The following GULP1 variants were observed in gnomAD, a reference collection of about 807,000 sequenced individuals.
The protein encoded by GULP1 is GULP PTB domain containing engulfment adaptor 1, also known as PTB domain-containing engulfment adapter protein 1.
GULP1 carries 19 observed loss-of-function variants against 40.9 expected under a neutral mutation model. The observed-to-expected ratio is 0.46, with a 90% CI of 0.32 to 0.68. GULP1 has a LOEUF of 0.68. Among genes scored for constraint, GULP1 ranks in the 30% least tolerant of loss-of-function variants. GULP1 has a pLI of 0.03. For synonymous variants in GULP1, 119 were observed against 117.6 expected, an observed-to-expected ratio of 1.01 and a Z score of -0.08; for missense variants, 312 against 362.2, an observed-to-expected ratio of 0.86 and a Z score of 1.12.
chr2:188,512,537 AT>A (rs2064696114), intron 4 of GULP1, among the ~76,000 whole-genome samples: 1 of 152,034 alleles, frequency 6.6e-6, no homozygotes, highest in African/African-American at 2.4e-5. Context: ...CTCTTTAGCT[AT>A]TTAATTGTTA....
intron 1 of GULP1, among the ~76,000 whole-genome samples, chr2:188,375,856 G>T (rs867365776): frequency 2.0e-5 from 3 of 151,806 alleles, no homozygotes; most frequent in Non-Finnish European, 4.4e-5. Flanking sequence ...ATATTCGCAG[G>T]GTTTTACAGA....
chr2:188,522,123 G>A (rs1042244064), intron 4 of GULP1, among the ~76,000 whole-genome samples: 4 of 152,066 alleles, frequency 2.6e-5, no homozygotes, highest in Non-Finnish European at 5.9e-5. Context: ...TACAATTGTA[G>A]ATCATGTATG....
At chr2:188,408,963 A>G (rs56072532) in intron 2 of GULP1, among the ~76,000 whole-genome samples, 27,619 of 152,162 alleles carry the variant, frequency 0.18, 2,579 homozygotes, top group East Asian at 0.24. Flanking sequence ...GAAGCACAAT[A>G]TACCAAAACT....
chr2:188,418,428 T>A (rs2054881905), intron 2 of GULP1, among the ~76,000 whole-genome samples: 2 of 152,102 alleles, frequency 1.3e-5, no homozygotes, highest in Admixed American at 1.3e-4. Flanking sequence ...GGTCAGGAGT[T>A]CGAGACCAGC....
intron 2 of GULP1, among the ~76,000 whole-genome samples, chr2:188,404,276 GAAC>G (rs2052734546): frequency 6.6e-6 from 1 of 152,132 alleles, no homozygotes; most frequent in Non-Finnish European, 1.5e-5. Flanking sequence ...ATAACAATTT[GAAC>G]AACTATCCAT....
intron 1 of GULP1, among the ~76,000 whole-genome samples, chr2:188,314,658 A>G (rs1211070154): frequency 2.0e-5 from 3 of 152,022 alleles, no homozygotes; most frequent in Admixed American, 6.6e-5. Context: ...GCCCCACTAC[A>G]CTTTCTTTAT....
chr2:188,385,817 C>G (rs2049650948), intron 2 of GULP1, among the ~76,000 whole-genome samples: 1 of 152,150 alleles, frequency 6.6e-6, no homozygotes, highest in Non-Finnish European at 1.5e-5. Context: ...CACCTTGGCT[C>G]CAGTTCCCAA....
chr2:188,474,955 A>G (rs893940943), intron 2 of GULP1, among the ~76,000 whole-genome samples: 3 of 152,174 alleles, frequency 2.0e-5, no homozygotes, highest in Non-Finnish European at 4.4e-5. Context: ...ATAGAATTGT[A>G]TTTCTTAACT....
At chr2:188,419,941 C>A (rs533937923) in intron 2 of GULP1, among the ~76,000 whole-genome samples, 1 of 152,070 alleles carries the variant, frequency 6.6e-6, no homozygotes, top group Non-Finnish European at 1.5e-5. Context: ...TTCTCAACAC[C>A]ATTTGTTGAA....
intron 1 of GULP1, among the ~76,000 whole-genome samples, chr2:188,333,112 G>A (rs955068230): frequency 6.6e-6 from 1 of 151,992 alleles, no homozygotes; most frequent in African/African-American, 2.4e-5. Context: ...GGGCATGGTG[G>A]TGTGTGCCTG....
At chr2:188,429,715 T>G (rs1314810498) in intron 2 of GULP1, among the ~76,000 whole-genome samples, 1 of 149,254 alleles carries the variant, frequency 6.7e-6, no homozygotes, top group Non-Finnish European at 1.5e-5. Flanking sequence ...TTTTTGTTGT[T>G]TTTTTTTTTA....
At chr2:188,349,753 G>A (rs1485830834) in intron 1 of GULP1, among the ~76,000 whole-genome samples, 1 of 151,908 alleles carries the variant, frequency 6.6e-6, no homozygotes, top group Non-Finnish European at 1.5e-5. Flanking sequence ...TTGTTTTTCT[G>A]TTTGATTTCA....
At position 188,568,680 on chromosome 2, in the gene GULP1, C is replaced by T. The variant is rs1698358047; in HGVS notation, c.400-559C>T. Reference sequence around the variant, plus strand: ...CTGACAGTTTCAGATTGGAATTGCTCACTTCCACCAGGCAACAATTAACTG... The same window carrying T: ...CTGACAGTTTCAGATTGGAATTGCTTACTTCCACCAGGCAACAATTAACTG... On this transcript the variant is annotated intron_variant, in intron 7 of 11. Transcript: ENST00000409830. 2.0e-5 allele frequency among the ~76,000 whole-genome samples: 3 copies of T among 152,308 alleles called. No homozygotes were observed. The South Asian group carries it at 6.2e-4, about 32-fold the overall frequency.
rs746146544 is a variant in GULP1 at position 188,541,334 on chromosome 2, G to A, written c.399+16G>A. ...CGAAAAGTGTGTAAGTATCCCAGAT[G>A]TTGTAGGGTGGTTTGTTCTGTTTTA... On this transcript the variant is annotated intron_variant, in intron 7 of 11. Transcript: ENST00000409830. 5 of 1,609,436 alleles carry A rather than the reference G, an allele frequency of 3.1e-6. No individual in the cohort carries two copies. The Admixed American group carries it at 5.0e-5, about 16-fold the overall frequency.
chr2:188,467,398 TTCTC>T (rs1437058998), intron 2 of GULP1, among the ~76,000 whole-genome samples: 1 of 152,200 alleles, frequency 6.6e-6, no homozygotes, highest in African/African-American at 2.4e-5. Context: ...TCTCTGAACT[TTCTC>T]TCCATAATTT....
chr2:188,374,533 A>G (rs2048042657), intron 1 of GULP1, among the ~76,000 whole-genome samples: 2 of 152,158 alleles, frequency 1.3e-5, no homozygotes, highest in South Asian at 4.1e-4. Flanking sequence ...TGAGGTCAAA[A>G]TAGCCACCAG....
At chr2:188,409,431 C>A (rs1406435239) in intron 2 of GULP1, among the ~76,000 whole-genome samples, 1 of 151,992 alleles carries the variant, frequency 6.6e-6, no homozygotes, top group Non-Finnish European at 1.5e-5. Context: ...CTGAACAGAC[C>A]AATAATGAAT....
chr2:188,454,171 A>T (rs1005124550), intron 2 of GULP1, among the ~76,000 whole-genome samples: 1 of 152,132 alleles, frequency 6.6e-6, no homozygotes, highest in Non-Finnish European at 1.5e-5. Flanking sequence ...AAGACTAAGG[A>T]TATGCTGACA....
intron 1 of GULP1, among the ~76,000 whole-genome samples, chr2:188,326,053 G>A (rs1416540030): frequency 6.6e-6 from 1 of 152,030 alleles, no homozygotes; most frequent in Non-Finnish European, 1.5e-5. Context: ...ATACCAGAGT[G>A]GGTTTTTAGT....
Sources: allele counts gnomAD v4.1 joint callset (sites outside exome capture counted in the v4.1 genomes callset), GRCh38; gene constraint gnomAD v4.1.1; transcripts MANE v1.5; gene names NCBI Gene and HGNC (gene_info 2026-07-23, HGNC 2026-07-21).